Variants in UNC13C observed in about 807,000 individuals in gnomAD.
The protein encoded by UNC13C is protein unc-13 homolog C.
Under a neutral mutation model 245.4 loss-of-function variants are expected in UNC13C, and 174 were observed. The ratio of observed to expected loss-of-function variants is 0.71; its 90% confidence interval spans 0.63 to 0.80. The LOEUF (loss-of-function observed/expected upper bound fraction) is 0.80, where lower values mean the gene tolerates loss of function less well. Among genes scored for constraint, UNC13C ranks in the 30% least tolerant of loss-of-function variants. The probability of loss-of-function intolerance (pLI) is 0.00; values close to 1 mark genes in which losing one functional copy is unlikely to be tolerated. For missense variants in UNC13C, 2,829 were observed against 2,602.9 expected (o/e 1.09, Z -1.89); for synonymous variants, 992 against 895.1 (o/e 1.11, Z -1.93).
At chr15:54,059,097 T>C (rs941151476) in intron 2 of UNC13C, among the ~76,000 whole-genome samples, 4 of 152,156 alleles carry the variant, frequency 2.6e-5, no homozygotes, top group Admixed American at 6.5e-5. Context: ...AACATAGTGT[T>C]GGAAGTTCTG....
At chr15:54,099,060 T>C (rs930465554) in intron 2 of UNC13C, among the ~76,000 whole-genome samples, 4 of 152,218 alleles carry the variant, frequency 2.6e-5, no homozygotes, top group Non-Finnish European at 4.4e-5. Context: ...GGCTTAGCAG[T>C]CCCTTGGTTT....
At chr15:54,476,846 A>C (rs1484270932) in intron 19 of UNC13C, among the ~76,000 whole-genome samples, 1 of 151,292 alleles carries the variant, frequency 6.6e-6, no homozygotes, top group Non-Finnish European at 1.5e-5. Context: ...TCTGTGAAGA[A>C]AGTCATTGGT....
chr15:54,306,509 C>T (rs1248135405), intron 13 of UNC13C, among the ~76,000 whole-genome samples: 3 of 151,946 alleles, frequency 2.0e-5, no homozygotes, highest in Admixed American at 2.0e-4. Context: ...TGATGCTTTT[C>T]ATCTATATAT....
chr15:54,608,977 A>C (rs1325108045), intron 30 of UNC13C, among the ~76,000 whole-genome samples: 1 of 152,194 alleles, frequency 6.6e-6, no homozygotes, highest in Non-Finnish European at 1.5e-5. Flanking sequence ...GCTGCTTCAA[A>C]GTGATGGTGA....
the UNC13C span, among the ~76,000 whole-genome samples, chr15:53,884,109 TG>T: frequency 3.3e-4 from 2 of 5,996 alleles, no homozygotes; most frequent in African/African-American, 1.6e-3. Context: ...GTTGTTACGA[TG>T]GTTAACAAAA....
chr15:54,303,917 A>G (rs892168860), intron 13 of UNC13C, among the ~76,000 whole-genome samples: 4 of 151,962 alleles, frequency 2.6e-5, no homozygotes, highest in Admixed American at 1.3e-4. Flanking sequence ...TAAGATAAGT[A>G]TTTTTCAAAA....
Position 54,014,394 on chromosome 15 carries a change from T to C in UNC13C, c.1491T>C (p.Asn497=), listed in dbSNP as rs1026108339. 2.5e-6 allele frequency: 4 copies of C among 1,613,736 alleles called. No homozygotes were observed. The African/African-American group carries it at 5.3e-5, about 22-fold the overall frequency. The stretch of plus-strand genomic sequence containing the variant: ...CTAGATCCAAGAATAAAACTGCTAA[T>C]AGCAGCAGAATTTCAAATAAATCAG... ...HSARSKNKTA[N]SSRISNKSDY... is the part of the protein sequence containing the mutation. Residue 497 remains asparagine, a synonymous_variant, in exon 2 of 33, where the codon AAT becomes AAC. Coordinates refer to ENST00000260323, the MANE Select transcript of UNC13C (RefSeq NM_001080534.3).
the UNC13C span, among the ~76,000 whole-genome samples, chr15:53,957,949 C>T: frequency 6.6e-6 from 1 of 151,660 alleles, no homozygotes; most frequent in Non-Finnish European, 1.5e-5. Context: ...TCAACATGGG[C>T]TCAGATTTTT....
chr15:54,561,339 T>C (rs1897291309), intron 29 of UNC13C, among the ~76,000 whole-genome samples: 1 of 151,992 alleles, frequency 6.6e-6, no homozygotes, highest in South Asian at 2.1e-4. Context: ...GTGATCCAAA[T>C]ACTAATTGAG....
chr15:54,242,827 T>TTA (rs2035889559), intron 7 of UNC13C, among the ~76,000 whole-genome samples: 1 of 152,206 alleles, frequency 6.6e-6, no homozygotes, highest in Non-Finnish European at 1.5e-5. Flanking sequence ...AATTTTGTGA[T>TTA]TAACAATTTT....
rs750231149 is a variant in UNC13C at position 54,525,537 on chromosome 15, GTC to G, written c.5458-6_5458-5del. On this transcript the variant is annotated splice_polypyrimidine_tract_variant and intron_variant, in intron 24 of 32. Coordinates refer to ENST00000260323, the MANE Select transcript of UNC13C (RefSeq NM_001080534.3). ...AAACTCCAAAGTAATATTGTTTATG[GTC>G]TCTCTGCAGCTAGATTCTGAAGCTA... The G allele has an allele frequency of 6.2e-7, 1 of 1,606,664 alleles. No homozygotes were observed. Among genetic ancestry groups the G allele is most frequent in the Non-Finnish European group, 8.5e-7 (1 of 1,175,510 alleles).
intron 17 of UNC13C, among the ~76,000 whole-genome samples, chr15:54,360,223 T>C (rs2039198661): frequency 6.6e-6 from 1 of 152,036 alleles, no homozygotes; most frequent in Non-Finnish European, 1.5e-5. Flanking sequence ...TGACCTAACA[T>C]ATGATTTGTA....
At chr15:53,893,683 A>G in the UNC13C span, among the ~76,000 whole-genome samples, 1 of 151,726 alleles carries the variant, frequency 6.6e-6, no homozygotes, top group Non-Finnish European at 1.5e-5. Flanking sequence ...CCTCAGCAAT[A>G]GTGGATGTCC....
chr15:53,929,266 C>G, the UNC13C span, among the ~76,000 whole-genome samples: 4,665 of 152,218 alleles, frequency 0.031, 97 homozygotes, highest in East Asian at 0.07. Flanking sequence ...CCCCATGATT[C>G]AATTACCTCC....
intron 1 of UNC13C, among the ~76,000 whole-genome samples, chr15:53,984,948 A>G (rs1056704002): frequency 6.6e-6 from 1 of 152,074 alleles, no homozygotes; most frequent in Non-Finnish European, 1.5e-5. Flanking sequence ...ATGGCAGCAA[A>G]TCTTAGCGAC....
chr15:54,451,263 G>T (rs1040854561), intron 19 of UNC13C, among the ~76,000 whole-genome samples: 2 of 152,022 alleles, frequency 1.3e-5, no homozygotes, highest in Non-Finnish European at 2.9e-5. Flanking sequence ...ATTTATGAAG[G>T]GTAAATTTTT....
At chr15:54,224,930 G>T (rs190113264) in intron 4 of UNC13C, among the ~76,000 whole-genome samples, 1 of 151,234 alleles carries the variant, frequency 6.6e-6, no homozygotes, top group East Asian at 1.9e-4. Context: ...CAATTTATTG[G>T]CATATAGTTG....
Position 54,040,002 on chromosome 15 carries a change from C to A in UNC13C, c.2983+24116C>A, listed in dbSNP as rs12905401. Among the ~76,000 whole-genome samples, 206 of 151,560 alleles carry A rather than the reference C, an allele frequency of 1.4e-3. 2 individuals are homozygous for A. Among genetic ancestry groups the A allele is most frequent in the Non-Finnish European group, 7.8e-4 (53 of 67,902 alleles). ...CTGCAATGTGCCTCCCCCACCCCAC[C>A]CCCATTTTACTCAGAGAACAAGCCA... On this transcript the variant is annotated intron_variant, in intron 2 of 32. Transcript: ENST00000260323.
At chr15:54,557,557 T>C (rs1170367710) in intron 29 of UNC13C, among the ~76,000 whole-genome samples, 1 of 151,586 alleles carries the variant, frequency 6.6e-6, no homozygotes, top group African/African-American at 2.4e-5. Context: ...CTCCAAGAAC[T>C]AAAGATTCAA....
Sources: allele counts gnomAD v4.1 joint callset (sites outside exome capture counted in the v4.1 genomes callset), GRCh38; gene constraint gnomAD v4.1.1; transcripts MANE v1.5; gene names NCBI Gene and HGNC (gene_info 2026-07-23, HGNC 2026-07-21).